Variants in DNAJC2 observed in about 807,000 individuals in gnomAD.
DNAJC2 encodes dnaJ homolog subfamily C member 2.
A neutral mutation model predicts 94.0 loss-of-function variants in DNAJC2; 32 were observed. The observed-to-expected ratio is 0.34, with a 90% CI of 0.26 to 0.46. DNAJC2 has a LOEUF of 0.46. DNAJC2 is among the 20% of genes least tolerant of loss of function. The pLI is 1.00. For missense variants in DNAJC2, 550 were observed against 719.5 expected (o/e 0.76, Z 2.69); for synonymous variants, 210 against 229.7 (o/e 0.91, Z 0.77).
chr7:103,324,694 C>G, intron 5 of DNAJC2, 132 bp from the exon 6 acceptor site: 1 of 912,898 alleles, frequency 1.1e-6, no homozygotes, highest in East Asian at 3.8e-5. Flanking sequence ...AACTCTACAA[C>G]TCGAAGATGG....
rs1817849151 is a variant in DNAJC2 at position 103,313,112 on chromosome 7, A to C, written c.1637-11T>G. On this transcript the variant is annotated splice_polypyrimidine_tract_variant and intron_variant, in intron 15 of 16. Transcript: ENST00000379263. ...AGTCTGTATATGGACCTGATTAAGA[A>C]AAATTTTTATTTGAAAACTGTCTTT... The C allele has an allele frequency of 6.3e-7, 1 of 1,593,254 alleles. No individual in the cohort carries two copies. The highest frequency in any genetic ancestry group is 8.5e-7 in the Non-Finnish European group (1 of 1,173,606).
rs1234641654 is a variant in DNAJC2, at chr7:103,329,020, C to T, written c.332-1266G>A. On this transcript the variant is annotated intron_variant, in intron 3 of 16. Coordinates refer to ENST00000379263, the MANE Select transcript of DNAJC2 (RefSeq NM_014377.3). Reference sequence around the variant, plus strand: ...TATTTCATACTCCTACGTGAACATCCTTTTACCACAGCCTCAGCCACAGTA... The same window carrying T: ...TATTTCATACTCCTACGTGAACATCTTTTTACCACAGCCTCAGCCACAGTA... 4 of 1,266,950 alleles carry T rather than the reference C, an allele frequency of 3.2e-6. No homozygotes were observed. The Admixed American group carries it at 7.4e-5, about 24-fold the overall frequency. 78.5% of individuals were successfully genotyped at this position (1,266,950 alleles called of 1,614,324 possible).
Position 103,338,731 on chromosome 7 carries a change from G to C in DNAJC2, c.256-920C>G, listed in dbSNP as rs372204430. ...TTGAGACCAGCCTGGCTAACATGGT[G>C]AAACCCTGTCTCTACTAAAAATACA... On this transcript the variant is annotated intron_variant, in intron 2 of 16. Coordinates refer to ENST00000379263, the MANE Select transcript of DNAJC2 (RefSeq NM_014377.3). Among the ~76,000 whole-genome samples the C allele has an allele frequency of 4.7e-5, 7 of 148,780 alleles. No individual in the cohort carries two copies. The East Asian group carries it at 1.3e-3, about 28-fold the overall frequency.
At position 103,324,543 on chromosome 7, in the gene DNAJC2, CA is replaced by C. The variant is rs751068813; in HGVS notation, c.591del (p.Asn197LysfsTer8). On this transcript the variant is annotated frameshift_variant, in exon 6 of 17. Transcript: ENST00000379263. LOFTEE classifies it high-confidence loss of function. ...ERNSRWSNKK[N>X]VPKLGDMNSS... ...GAATTCATATCACCAAGTTTAGGAA[CA>C]TTTTTTTTATTTGACCATCTGAAAT... 6.7e-7 allele frequency: 1 copy of C among 1,486,098 alleles called. No individual in the cohort carries two copies. The highest frequency in any genetic ancestry group is 9.0e-7 in the Non-Finnish European group (1 of 1,105,000). The allele number at this position is 1,486,098 out of a possible 1,614,324, so 92.1% of individuals were successfully genotyped here.
At chr7:103,317,875 T>C (rs1454038882) in intron 12 of DNAJC2, among the ~76,000 whole-genome samples, 1 of 152,158 alleles carries the variant, frequency 6.6e-6, no homozygotes, top group East Asian at 1.9e-4. Context: ...AGTCTCAAAC[T>C]CCTGACCTCA....
In DNAJC2 at chr7:103,322,726, ATTTCT is replaced by A; in HGVS notation, c.783_787del (p.Glu261AspfsTer9). On this transcript the variant is annotated frameshift_variant, in exon 8 of 17. Coordinates refer to ENST00000379263, the MANE Select transcript of DNAJC2 (RefSeq NM_014377.3). LOFTEE classifies it high-confidence loss of function. ...ACCAACTAATGTTCTTATTCTGTTC[ATTTCT>A]TCTTTTTTTCTTTGTGCTCTTGTTG... The A allele has an allele frequency of 6.2e-7, 1 of 1,611,940 alleles. No individual in the cohort carries two copies. The highest frequency in any genetic ancestry group is 8.5e-7 in the Non-Finnish European group (1 of 1,179,796).
chr7:103,344,321 G>C, intron 1 of DNAJC2: 2 of 582,436 alleles, frequency 3.4e-6, no homozygotes, highest in South Asian at 4.2e-5. Flanking sequence ...TGAGTCAGCA[G>C]CGGCGAGAGG....
intron 12 of DNAJC2, among the ~76,000 whole-genome samples, chr7:103,319,243 C>A (rs1586072300): frequency 6.6e-6 from 1 of 152,138 alleles, no homozygotes; most frequent in Non-Finnish European, 1.5e-5. Context: ...TCAAGACCAG[C>A]CTGACCAACA....
At position 103,331,117 on chromosome 7, in the gene DNAJC2, C is replaced by G. The variant is rs149939619; in HGVS notation, c.332-3363G>C. On this transcript the variant is annotated intron_variant, in intron 3 of 16. Transcript: ENST00000379263. ...GATTACAGGCACCTGCCACCACGCT[C>G]AGCTAATTTTTGTATTTTTAGTAGA... Among the ~76,000 whole-genome samples the G allele has an allele frequency of 2.8e-4, 43 of 151,942 alleles. 1 individual carries two copies. In the East Asian group the frequency reaches 7.0e-3, roughly 25 times the overall value.
chr7:103,312,315 C>G lies in DNAJC2; in HGVS notation c.*254G>C. ...TGTTTGAACACATGTATTTATAAAA[C>G]AGAGCTAGAGAAAAATAAAAATGAA... is the stretch of plus-strand genomic sequence containing the variant. On this transcript the variant is annotated 3_prime_UTR_variant, in exon 17 of 17. Transcript: ENST00000379263. 6.2e-7 allele frequency: 1 copy of G among 1,601,868 alleles called. No individual in the cohort carries two copies. The highest frequency in any genetic ancestry group is 1.1e-5 in the South Asian group (1 of 90,332).
Position 103,321,949 on chromosome 7 carries a change from G to A in DNAJC2, c.1066C>T (p.Leu356Phe). The stretch of plus-strand genomic sequence containing the variant: ...TGATATACCTTGCATGAGTTTCGAA[G>A]TTTTTGCCTTTCCTTCTTAATGGCT... ...KKAIKKERQK[L>F]RNSCKTWNHF... The change falls in exon 10 of 17, where the codon CTT becomes TTT. Residue 356 changes from leucine to phenylalanine, a missense_variant. This residue lies in a region of DNAJC2 where 279 missense variants were observed against 416.9 expected (regional missense o/e 0.67). Transcript: ENST00000379263. The A allele has an allele frequency of 6.2e-7, 1 of 1,613,416 alleles. No individual in the cohort carries two copies. The highest frequency in any genetic ancestry group is 8.5e-7 in the Non-Finnish European group (1 of 1,179,580).
In DNAJC2 at chr7:103,342,066, T is replaced by A. The variant is rs1563476438; in HGVS notation, c.65-112A>T. On this transcript the variant is annotated intron_variant, in intron 1 of 16. Transcript: ENST00000379263. ...TCAAAACAGTGATACCAGCATATAC[T>A]TTTAAAACCACCGACTACGAAAATA... 3 of 750,064 alleles carry A rather than the reference T, an allele frequency of 4.0e-6. 1 individual carries two copies. Among genetic ancestry groups the A allele is most frequent in the Non-Finnish European group, 2.0e-6 (1 of 506,836 alleles). The allele number at this position is 750,064 out of a possible 1,614,324, so 46.5% of individuals were successfully genotyped here.
intron 3 of DNAJC2, among the ~76,000 whole-genome samples, chr7:103,328,307 T>C (rs1215136592): frequency 6.6e-6 from 1 of 152,110 alleles, no homozygotes; most frequent in Admixed American, 6.5e-5. Context: ...TGCATAGACA[T>C]TTTTGTTTTC....
chr7:103,324,797 A>G, intron 5 of DNAJC2: 1 of 281,260 alleles, frequency 3.6e-6, no homozygotes, highest in East Asian at 7.9e-5. Flanking sequence ...ACAACGGGAC[A>G]GACTTCTAAT....
In DNAJC2 at chr7:103,322,430, TAAA is replaced by T. The variant is rs374674418; in HGVS notation, c.933+78_933+80del. 3.0e-4 allele frequency: 382 copies of T among 1,293,806 alleles called. 2 individuals are homozygous for T. In the East Asian group the frequency reaches 7.6e-3, roughly 26 times the overall value. The allele number at this position is 1,293,806 out of a possible 1,614,324, so 80.1% of individuals were successfully genotyped here. ...TCTGCTTTCGAATTATAGTTTTTTTTAAAAAAAGATGTGAAGATTAAAGTGAAG... is the reference window on the plus strand; with the variant it reads ...TCTGCTTTCGAATTATAGTTTTTTTTAAAAGATGTGAAGATTAAAGTGAAG... On this transcript the variant is annotated intron_variant, in intron 9 of 16. Coordinates refer to ENST00000379263, the MANE Select transcript of DNAJC2 (RefSeq NM_014377.3).
intron 3 of DNAJC2, among the ~76,000 whole-genome samples, chr7:103,330,922 G>A (rs1818942736): frequency 2.0e-5 from 3 of 151,594 alleles, no homozygotes; most frequent in Admixed American, 1.3e-4. Flanking sequence ...ACACTTATGG[G>A]GTGCATGTGA....
chr7:103,321,487 C>T (rs926204048), intron 10 of DNAJC2, among the ~76,000 whole-genome samples: 2 of 151,544 alleles, frequency 1.3e-5, no homozygotes, highest in Non-Finnish European at 2.9e-5. Context: ...CATTGCACTC[C>T]AGACCAGGTG....
intron 9 of DNAJC2, 99 bp from the exon 10 acceptor site, chr7:103,322,180 A>C: frequency 7.8e-6 from 7 of 902,512 alleles, no homozygotes; most frequent in Non-Finnish European, 1.1e-5. Flanking sequence ...TTATATTAGG[A>C]AAAAAGGCAA....
chr7:103,316,513 C>T (rs1818064087), intron 13 of DNAJC2: 1 of 261,450 alleles, frequency 3.8e-6, no homozygotes, highest in Non-Finnish European at 7.2e-6. Context: ...AAGAGCAAGA[C>T]TGTAAAAGAA....
Sources: gnomAD v4.1 joint callset for allele counts (sites outside exome capture counted in the v4.1 genomes callset) on GRCh38, gnomAD v4.1.1 for gene constraint, gnomAD v4.1.1 regional missense constraint, MANE v1.5 for transcripts, NCBI Gene and HGNC (gene_info 2026-07-23, HGNC 2026-07-21) for gene names.